The following NXPH1 variants were observed in gnomAD, a reference collection of about 807,000 sequenced individuals.
NXPH1 encodes neurexophilin-1.
A neutral mutation model predicts 23.7 loss-of-function variants in NXPH1; 5 were observed. The observed-to-expected ratio is 0.21, with a 90% CI of 0.11 to 0.44. The LOEUF is 0.44. NXPH1 is among the 20% of genes least tolerant of loss of function. The pLI, the probability that NXPH1 is intolerant of heterozygous loss-of-function variation, is 0.99. For synonymous variants in NXPH1, 144 were observed against 122.2 expected, an observed-to-expected ratio of 1.18 and a Z score of -1.18; for missense variants, 324 against 321.6, an observed-to-expected ratio of 1.01 and a Z score of -0.06.
chr7:8,742,905 A>G (rs545313047), intron 2 of NXPH1, among the ~76,000 whole-genome samples: 39 of 152,328 alleles, frequency 2.6e-4, no homozygotes, highest in Non-Finnish European at 4.3e-4. Flanking sequence ...TTGAGTTTCC[A>G]TATCTCTTCA....
chr7:8,565,534 AC>A (rs1818527958), intron 2 of NXPH1, among the ~76,000 whole-genome samples: 1 of 151,742 alleles, frequency 6.6e-6, no homozygotes, highest in Admixed American at 6.6e-5. Context: ...TTTAGGTATA[AC>A]AAACCTTGTT....
At chr7:8,735,099 TG>T (rs1189285821) in intron 2 of NXPH1, among the ~76,000 whole-genome samples, 3 of 152,226 alleles carry the variant, frequency 2.0e-5, no homozygotes, top group Non-Finnish European at 4.4e-5. Context: ...AGGGACAATT[TG>T]ACTTCCTCTC....
chr7:8,691,967 G>T (rs1022363176), intron 2 of NXPH1, among the ~76,000 whole-genome samples: 6 of 151,964 alleles, frequency 3.9e-5, no homozygotes, highest in African/African-American at 7.2e-5. Flanking sequence ...GAGTGACAAG[G>T]GGCACTAGTC....
At chr7:8,730,163 C>T (rs1163413295) in intron 2 of NXPH1, among the ~76,000 whole-genome samples, 1 of 148,574 alleles carries the variant, frequency 6.7e-6, no homozygotes, top group Non-Finnish European at 1.5e-5. Flanking sequence ...GGATTGCAAC[C>T]CCTGCCTTTT....
chr7:8,717,549 A>G lies in NXPH1; in HGVS notation c.55-33459A>G, dbSNP rs925826569. ...CATAACTTTGAAACATTAGTTAAAG[A>G]CTACCCTCTAAGTCCCTTTTCTGAC... On this transcript the variant is annotated intron_variant, in intron 2 of 2. Transcript: ENST00000405863. Among the ~76,000 whole-genome samples the G allele has an allele frequency of 5.3e-5, 8 of 152,178 alleles. No individual in the cohort carries two copies. The East Asian group carries it at 9.6e-4, about 18-fold the overall frequency.
At chr7:8,620,385 G>C (rs1225578301) in intron 2 of NXPH1, among the ~76,000 whole-genome samples, 5 of 152,144 alleles carry the variant, frequency 3.3e-5, no homozygotes, top group Non-Finnish European at 5.9e-5. Context: ...TCTGACCCAG[G>C]TTAAAGATGT....
intron 2 of NXPH1, among the ~76,000 whole-genome samples, chr7:8,658,255 T>C (rs1195149660): frequency 6.6e-6 from 1 of 152,250 alleles, no homozygotes; most frequent in African/African-American, 2.4e-5. Flanking sequence ...AGTGCCTAAA[T>C]TGTAAGTTCC....
intron 2 of NXPH1, among the ~76,000 whole-genome samples, chr7:8,745,050 TC>T (rs1780444032): frequency 6.6e-6 from 1 of 152,226 alleles, no homozygotes; most frequent in Non-Finnish European, 1.5e-5. Context: ...ACTCCCTATT[TC>T]CTGTAAGATT....
chr7:8,609,482 T>C (rs1819571331), intron 2 of NXPH1, among the ~76,000 whole-genome samples: 1 of 152,178 alleles, frequency 6.6e-6, no homozygotes, highest in Admixed American at 6.5e-5. Flanking sequence ...AAATGGATCT[T>C]GTGAGAGGAA....
chr7:8,533,402 T>G (rs953359214), intron 2 of NXPH1, among the ~76,000 whole-genome samples: 2 of 152,084 alleles, frequency 1.3e-5, no homozygotes, highest in Non-Finnish European at 2.9e-5. Context: ...TATCATAAAA[T>G]GTAAGAAGTG....
intron 2 of NXPH1, among the ~76,000 whole-genome samples, chr7:8,563,931 G>A (rs1230036096): frequency 6.6e-6 from 1 of 151,760 alleles, no homozygotes; most frequent in East Asian, 1.9e-4. Flanking sequence ...AAATAAATAA[G>A]TGATGCTTCT....
rs573031858 is a variant in NXPH1, at chr7:8,477,375, T to G, written c.54+41608T>G. Among the ~76,000 whole-genome samples the G allele has an allele frequency of 3.9e-5, 6 of 152,238 alleles. No homozygotes were observed. The South Asian group carries it at 1.0e-3, about 26-fold the overall frequency. ...ATTGTGTTGCTAGAGTGCAGGTGAT[T>G]GATGGCTATAGATCATCACTCCAGT... On this transcript the variant is annotated intron_variant, in intron 2 of 2. Transcript: ENST00000405863.
chr7:8,527,374 G>A (rs1557841), intron 2 of NXPH1, among the ~76,000 whole-genome samples: 2 of 152,038 alleles, frequency 1.3e-5, no homozygotes, highest in East Asian at 3.9e-4. Flanking sequence ...AGCTCAGATG[G>A]CCTCTAAATT....
intron 2 of NXPH1, among the ~76,000 whole-genome samples, chr7:8,749,651 C>G (rs188589669): frequency 2.0e-5 from 3 of 152,266 alleles, no homozygotes. Flanking sequence ...GAGTAGTAAT[C>G]AGGCTGGTAT....
chr7:8,710,726 A>G lies in NXPH1; in HGVS notation c.55-40282A>G, dbSNP rs556050380. On this transcript the variant is annotated intron_variant, in intron 2 of 2. Coordinates refer to ENST00000405863, the MANE Select transcript of NXPH1 (RefSeq NM_152745.3). ...GCCGGACTGCGGACTGCAGTGGCGC[A>G]ATCTCGGCTCACTGCAAGCTCCGCT... Among the ~76,000 whole-genome samples, 181 of 101,854 alleles carry G rather than the reference A, an allele frequency of 1.8e-3. 15 individuals carry two copies. The South Asian group carries it at 0.027, about 15-fold the overall frequency. 66.8% of individuals were successfully genotyped at this position (101,854 alleles called of 152,430 possible). A position where few individuals can be genotyped will look rare whatever the true frequency, so the allele number is the denominator to read the frequency against.
chr7:8,657,075 T>C (rs10952118), intron 2 of NXPH1, among the ~76,000 whole-genome samples: 107,921 of 152,090 alleles, frequency 0.71, 39,000 homozygotes, highest in East Asian at 1. Context: ...GTCCTAACTG[T>C]TATAGGATAT....
chr7:8,497,946 G>T (rs1375183431), intron 2 of NXPH1, among the ~76,000 whole-genome samples: 1 of 152,032 alleles, frequency 6.6e-6, no homozygotes, highest in African/African-American at 2.4e-5. Context: ...CCATACCTAT[G>T]TCCTGAATGG....
chr7:8,688,965 T>G (rs1013886452), intron 2 of NXPH1, among the ~76,000 whole-genome samples: 12 of 152,170 alleles, frequency 7.9e-5, no homozygotes, highest in African/African-American at 2.9e-4. Context: ...TTTTCCATGG[T>G]CTTTGTTTTT....
rs77545591 is a variant in NXPH1 at position 8,751,833 on chromosome 7, T to A, written c.*64T>A. On this transcript the variant is annotated 3_prime_UTR_variant, in exon 3 of 3. Coordinates refer to ENST00000405863, the MANE Select transcript of NXPH1 (RefSeq NM_152745.3). The surrounding 1 kb of genome is among the most constrained non-coding windows in gnomAD (Gnocchi z 4.5). ...AAGGTCATATGACAGGGCTGTTACC[T>A]CAAAGAAGAAGGTCACATCTGTTGC... is the stretch of plus-strand genomic sequence containing the variant. The A allele has an allele frequency of 7.4e-5, 107 of 1,454,462 alleles. No homozygotes were observed. The East Asian group carries it at 2.5e-3, about 34-fold the overall frequency. 90.1% of individuals were successfully genotyped at this position (1,454,462 alleles called of 1,614,324 possible).
Sources: gnomAD v4.1 joint callset for allele counts (sites outside exome capture counted in the v4.1 genomes callset) on GRCh38, gnomAD v4.1.1 for gene constraint, Gnocchi (gnomAD v3.1) non-coding constraint, MANE v1.5 for transcripts, NCBI Gene and HGNC (gene_info 2026-07-23, HGNC 2026-07-21) for gene names.